Variants in PABPC4L observed in about 807,000 individuals in gnomAD.
PABPC4L encodes the protein polyadenylate-binding protein 4-like.
For missense variants in PABPC4L, 452 were observed against 451.4 expected, an observed-to-expected ratio of 1.00 and a Z score of -0.01; for synonymous variants, 169 against 164.1, an observed-to-expected ratio of 1.03 and a Z score of -0.23.
chr4:134,194,482 A>G (rs934243419), downstream of PABPC4L, among the ~76,000 whole-genome samples: 2 of 151,846 alleles, frequency 1.3e-5, no homozygotes, highest in African/African-American at 4.8e-5. Flanking sequence ...AACCCCAGCT[A>G]ATCAGCAAAT....
chr4:133,994,024 A>G, the PABPC4L span, among the ~76,000 whole-genome samples: 2,690 of 152,262 alleles, frequency 0.018, 90 homozygotes, highest in African/African-American at 0.06. Context: ...TAAGGCTCCA[A>G]CCTCAGCTCT....
At chr4:134,146,552 T>A in the PABPC4L span, among the ~76,000 whole-genome samples, 1 of 151,988 alleles carries the variant, frequency 6.6e-6, no homozygotes, top group Non-Finnish European at 1.5e-5. Context: ...GTGTTACAGA[T>A]CTTTTGCTCC....
At chr4:133,955,295 T>C in the PABPC4L span, among the ~76,000 whole-genome samples, 1 of 152,112 alleles carries the variant, frequency 6.6e-6, no homozygotes, top group African/African-American at 2.4e-5. Flanking sequence ...TTTTTAAACC[T>C]GCTTCATAAT....
chr4:134,171,074 C>T, the PABPC4L span, among the ~76,000 whole-genome samples: 3 of 152,030 alleles, frequency 2.0e-5, no homozygotes, highest in South Asian at 6.2e-4. Context: ...ATTCCATTTG[C>T]ATTTCTACTA....
the PABPC4L span, among the ~76,000 whole-genome samples, chr4:133,981,852 T>C: frequency 6.6e-6 from 1 of 152,032 alleles, no homozygotes; most frequent in Non-Finnish European, 1.5e-5. Flanking sequence ...GCTTTTTGGA[T>C]ATTACAAAGA....
the PABPC4L span, among the ~76,000 whole-genome samples, chr4:134,038,206 C>T: frequency 6.6e-6 from 1 of 152,070 alleles, no homozygotes; most frequent in East Asian, 1.9e-4. Flanking sequence ...TTTTGATGTG[C>T]TGCTGGATTT....
At chr4:134,049,596 A>G in the PABPC4L span, among the ~76,000 whole-genome samples, 1 of 152,150 alleles carries the variant, frequency 6.6e-6, no homozygotes, top group African/African-American at 2.4e-5. Flanking sequence ...GTAACAGGCA[A>G]TTCATCATGT....
chr4:133,979,135 A>T, the PABPC4L span, among the ~76,000 whole-genome samples: 1 of 152,210 alleles, frequency 6.6e-6, no homozygotes, highest in Non-Finnish European at 1.5e-5. Context: ...AAGATCTAAC[A>T]TTGATCCAAC....
rs1329430466 is a variant in PABPC4L at position 134,201,000 on chromosome 4, T to TA, written c.19dup (p.Tyr7LeufsTer10). Reference sequence around the variant, plus strand: ...ACCCACATACAGGGAGGCCATGCGGTACTTGGCTGCTACATTCATCTCCTT... The same window carrying TA: ...ACCCACATACAGGGAGGCCATGCGGTAACTTGGCTGCTACATTCATCTCCTT... On this transcript the variant is annotated frameshift_variant, in exon 2 of 2. Transcript: ENST00000421491. LOFTEE classifies it low-confidence loss of function (END_TRUNC). The TA allele has an allele frequency of 1.9e-6, 3 of 1,552,030 alleles. No homozygotes were observed. Among genetic ancestry groups the TA allele is most frequent in the Non-Finnish European group, 2.6e-6 (3 of 1,147,144 alleles).
At chr4:134,132,680 A>C in the PABPC4L span, among the ~76,000 whole-genome samples, 3 of 151,720 alleles carry the variant, frequency 2.0e-5, 1 homozygote, top group South Asian at 6.2e-4. Context: ...AAGTAGATCT[A>C]CCAGTTGATC....
chr4:134,022,161 C>T, the PABPC4L span, among the ~76,000 whole-genome samples: 1 of 152,080 alleles, frequency 6.6e-6, no homozygotes. Flanking sequence ...TCCTGAATTT[C>T]TGCTCTTTCC....
chr4:134,058,496 G>A, the PABPC4L span, among the ~76,000 whole-genome samples: 1 of 151,262 alleles, frequency 6.6e-6, no homozygotes, highest in Non-Finnish European at 1.5e-5. Context: ...AGACACACAT[G>A]CACACACACA....
the PABPC4L span, among the ~76,000 whole-genome samples, chr4:134,090,361 ACATT>A: frequency 6.6e-6 from 1 of 152,046 alleles, no homozygotes; most frequent in Non-Finnish European, 1.5e-5. Flanking sequence ...TTTTTTTTAA[ACATT>A]TAGATTCCTG....
At chr4:133,975,150 A>G in the PABPC4L span, among the ~76,000 whole-genome samples, 2 of 152,168 alleles carry the variant, frequency 1.3e-5, no homozygotes, top group Non-Finnish European at 2.9e-5. Context: ...ATATAAAGGA[A>G]TATTATTCAG....
the PABPC4L span, among the ~76,000 whole-genome samples, chr4:133,981,363 T>G: frequency 6.6e-6 from 1 of 152,174 alleles, no homozygotes; most frequent in East Asian, 1.9e-4. Context: ...TTTATACCAT[T>G]TATATCTTGT....
chr4:133,948,698 G>A, the PABPC4L span, among the ~76,000 whole-genome samples: 2 of 152,128 alleles, frequency 1.3e-5, no homozygotes, highest in African/African-American at 4.8e-5. Context: ...TTTCGAATTG[G>A]TATTCCATCC....
In PABPC4L at chr4:134,199,696, A is replaced by G. The variant is rs1729781979; in HGVS notation, c.*211T>C. 5.4e-6 allele frequency: 3 copies of G among 555,882 alleles called. No individual in the cohort carries two copies. The South Asian group carries it at 8.0e-5, about 15-fold the overall frequency. 34.4% of individuals were successfully genotyped at this position (555,882 alleles called of 1,614,324 possible). A position where few individuals can be genotyped will look rare whatever the true frequency, so the allele number is the denominator to read the frequency against. On this transcript the variant is annotated 3_prime_UTR_variant, in exon 2 of 2. Coordinates refer to ENST00000421491, the MANE Select transcript of PABPC4L (RefSeq NM_001114734.2). ...GAAAAATGTGCAATATTAAAATTAG[A>G]AAATGTGCCTCTGTAAAATGAACTA...
At chr4:134,019,168 T>G in the PABPC4L span, among the ~76,000 whole-genome samples, 8 of 152,164 alleles carry the variant, frequency 5.3e-5, no homozygotes, top group African/African-American at 1.9e-4. Flanking sequence ...GAATAAAGAA[T>G]GAGAGAAGGA....
At chr4:134,111,879 C>T in the PABPC4L span, among the ~76,000 whole-genome samples, 2 of 151,856 alleles carry the variant, frequency 1.3e-5, no homozygotes, top group South Asian at 2.1e-4. Flanking sequence ...TTGTCAGCAG[C>T]GTGAAAACAG....
Sources: allele counts gnomAD v4.1 joint callset (sites outside exome capture counted in the v4.1 genomes callset), GRCh38; gene constraint gnomAD v4.1.1; transcripts MANE v1.5; gene names NCBI Gene and HGNC (gene_info 2026-07-23, HGNC 2026-07-21).